The following ERC1 variants were observed in gnomAD, a reference collection of about 807,000 sequenced individuals.
ERC1 encodes the protein RAB6 interacting protein 2.
In ERC1, 56 loss-of-function variants were observed where a neutral mutation model predicts 132.0. The observed-to-expected ratio is 0.42, with a 90% CI of 0.34 to 0.53. The LOEUF (loss-of-function observed/expected upper bound fraction) is 0.53, where lower values mean the gene tolerates loss of function less well. Among genes scored for constraint, ERC1 ranks in the 20% least tolerant of loss-of-function variants. The probability of loss-of-function intolerance (pLI) is 0.03; values close to 1 mark genes in which losing one functional copy is unlikely to be tolerated. For missense variants in ERC1, 1,202 were observed against 1,349.9 expected, an observed-to-expected ratio of 0.89 and a Z score of 1.72; for synonymous variants, 478 against 476.1, an observed-to-expected ratio of 1.00 and a Z score of -0.05.
intron 18 of ERC1, among the ~76,000 whole-genome samples, chr12:1,449,680 A>C (rs551101973): frequency 1.0e-3 from 156 of 152,236 alleles, no homozygotes; most frequent in Admixed American, 1.8e-3. Context: ...CTGACACACT[A>C]TGTCTTTCTA....
intron 15 of ERC1, among the ~76,000 whole-genome samples, chr12:1,345,619 A>G (rs530606742): frequency 6.6e-6 from 1 of 152,310 alleles, no homozygotes; most frequent in African/African-American, 2.4e-5. Flanking sequence ...GCCATGCTCT[A>G]AAAGATGAAG....
chr12:1,353,100 T>G (rs971070495), intron 15 of ERC1, among the ~76,000 whole-genome samples: 6 of 150,912 alleles, frequency 4.0e-5, no homozygotes, highest in Admixed American at 6.6e-5. Flanking sequence ...GTGTGATCTC[T>G]GCTCACTGCA....
chr12:1,418,902 C>A (rs115364932), intron 17 of ERC1, among the ~76,000 whole-genome samples: 7 of 151,770 alleles, frequency 4.6e-5, no homozygotes, highest in Non-Finnish European at 8.8e-5. Flanking sequence ...TTGGTAGAAG[C>A]AGGGTCTCAC....
chr12:1,066,691 T>A (rs139808562), intron 2 of ERC1, among the ~76,000 whole-genome samples: 1 of 151,974 alleles, frequency 6.6e-6, no homozygotes, highest in East Asian at 1.9e-4. Context: ...AGAAAAATTA[T>A]CCGGGTGTGG....
chr12:1,004,695 A>G (rs939380277), intron 1 of ERC1, among the ~76,000 whole-genome samples: 15 of 151,826 alleles, frequency 9.9e-5, no homozygotes, highest in Admixed American at 2.0e-4. Flanking sequence ...GTGAGCCACC[A>G]TGCTCAGCTG....
chr12:1,134,949 A>G (rs1566051889), intron 7 of ERC1, among the ~76,000 whole-genome samples: 1 of 151,998 alleles, frequency 6.6e-6, no homozygotes, highest in Non-Finnish European at 1.5e-5. Flanking sequence ...GCTGGTCTTG[A>G]ACTCCCGACC....
chr12:1,024,720 T>C (rs1197429032), intron 1 of ERC1, among the ~76,000 whole-genome samples: 1 of 151,800 alleles, frequency 6.6e-6, no homozygotes, highest in Non-Finnish European at 1.5e-5. Flanking sequence ...CTATATTGTC[T>C]TTGAAAGAAG....
At position 1,356,213 on chromosome 12, in the gene ERC1, A is replaced by AGTGTGTGTGTGT. The variant is rs71055145; in HGVS notation, c.2781-15597_2781-15586dup. 1.8e-4 allele frequency among the ~76,000 whole-genome samples: 23 copies of AGTGTGTGTGTGT among 130,010 alleles called. 1 individual carries two copies. Among genetic ancestry groups the AGTGTGTGTGTGT allele is most frequent in the African/African-American group, 6.9e-4 (20 of 29,184 alleles). 85.3% of individuals were successfully genotyped at this position (130,010 alleles called of 152,430 possible). A position where few individuals can be genotyped will look rare whatever the true frequency, so the allele number is the denominator to read the frequency against. ...AGTGAGACTGTCAAAAAAAAAAAAA[A>AGTGTGTGTGTGT]GTGTGTGTGTGTGTGTGTGTGTGTG... On this transcript the variant is annotated intron_variant, in intron 15 of 18. Transcript: ENST00000360905.
rs141772662 is a variant in ERC1 at position 1,440,408 on chromosome 12, G to T, written c.3025-4154G>T. On this transcript the variant is annotated intron_variant, in intron 17 of 18. Coordinates refer to ENST00000360905, the MANE Select transcript of ERC1 (RefSeq NM_178040.4). ...TTTTTAGTAGAGACGGGGTTTCACCGTGTTAGCCAGGATGGTCTCGATCTC... is the reference window on the plus strand; with the variant it reads ...TTTTTAGTAGAGACGGGGTTTCACCTTGTTAGCCAGGATGGTCTCGATCTC... 1.3e-3 allele frequency among the ~76,000 whole-genome samples: 198 copies of T among 149,404 alleles called. 1 individual carries two copies. Among genetic ancestry groups the T allele is most frequent in the Non-Finnish European group, 2.3e-3 (157 of 67,454 alleles).
intron 14 of ERC1, among the ~76,000 whole-genome samples, chr12:1,280,039 T>C (rs1033694121): frequency 6.6e-6 from 1 of 152,160 alleles, no homozygotes; most frequent in African/African-American, 2.4e-5. Flanking sequence ...GCAGAGCAAC[T>C]TCTGTAGCAG....
chr12:1,340,788 C>G (rs992552893), intron 15 of ERC1, among the ~76,000 whole-genome samples: 1 of 152,038 alleles, frequency 6.6e-6, no homozygotes, highest in African/African-American at 2.4e-5. Context: ...AATATAGAGA[C>G]AGAGTCTCTC....
At chr12:1,038,755 T>TA (rs958189808) in intron 2 of ERC1, among the ~76,000 whole-genome samples, 4 of 152,172 alleles carry the variant, frequency 2.6e-5, no homozygotes, top group African/African-American at 9.6e-5. Flanking sequence ...AATGATGTAA[T>TA]AAAAAATACT....
chr12:1,459,495 A>G (rs2093605072), intron 18 of ERC1, among the ~76,000 whole-genome samples: 1 of 152,232 alleles, frequency 6.6e-6, no homozygotes, highest in African/African-American at 2.4e-5. Flanking sequence ...TGAATGAACA[A>G]GTAAATGGGG....
In ERC1 at chr12:1,190,529, G is replaced by T. The variant is rs547096795; in HGVS notation, c.2351+477G>T. Among the ~76,000 whole-genome samples the T allele has an allele frequency of 3.3e-5, 5 of 152,246 alleles. No individual in the cohort carries two copies. In the South Asian group the frequency reaches 1.0e-3, roughly 32 times the overall value. On this transcript the variant is annotated intron_variant, in intron 12 of 18. Coordinates refer to ENST00000360905, the MANE Select transcript of ERC1 (RefSeq NM_178040.4). ...AGCACGCTGTTACTTCAGTGCATTA[G>T]ATCAAAATTAGGAGGAGAGACACTT...
intron 14 of ERC1, among the ~76,000 whole-genome samples, chr12:1,265,037 G>T (rs1408502333): frequency 1.3e-5 from 2 of 152,138 alleles, no homozygotes; most frequent in African/African-American, 4.8e-5. Context: ...GTGCCTTTCA[G>T]TGCCCTGTTC....
rs1295576754 is a variant in ERC1 at position 1,181,984 on chromosome 12, G to A, written c.1935G>A (p.Glu645=). ...QRDRDEREKQ[E]EIDNYKKDLK... is the part of the protein sequence containing the mutation. Reference sequence around the variant, plus strand: ...ACAGAGATGAGCGAGAGAAGCAAGAGGAAATTGATAACTACAAAAAAGATC... The same window carrying A: ...ACAGAGATGAGCGAGAGAAGCAAGAAGAAATTGATAACTACAAAAAAGATC... Residue 645 remains glutamate, a synonymous_variant, in exon 10 of 19, where the codon GAG becomes GAA. Coordinates refer to ENST00000360905, the MANE Select transcript of ERC1 (RefSeq NM_178040.4). The A allele has an allele frequency of 1.9e-6, 3 of 1,613,952 alleles. No individual in the cohort carries two copies. Among genetic ancestry groups the A allele is most frequent in the East Asian group, 2.2e-5 (1 of 44,872 alleles).
At chr12:1,486,785 T>C (rs1321671638) in intron 18 of ERC1, among the ~76,000 whole-genome samples, 1 of 152,206 alleles carries the variant, frequency 6.6e-6, no homozygotes. Flanking sequence ...GAAAAAAATG[T>C]TCTTAAACTA....
intron 6 of ERC1, among the ~76,000 whole-genome samples, chr12:1,113,767 C>T (rs1220194949): frequency 6.6e-6 from 1 of 152,160 alleles, no homozygotes; most frequent in Non-Finnish European, 1.5e-5. Context: ...AGGCTAAGCA[C>T]ATTTCACGCT....
At chr12:1,171,701 T>C (rs1016370855) in intron 8 of ERC1, among the ~76,000 whole-genome samples, 2 of 152,168 alleles carry the variant, frequency 1.3e-5, no homozygotes, top group African/African-American at 4.8e-5. Flanking sequence ...TTAAATGATA[T>C]TTAAAGTGAG....
Sources: allele counts gnomAD v4.1 joint callset (sites outside exome capture counted in the v4.1 genomes callset), GRCh38; gene constraint gnomAD v4.1.1; transcripts MANE v1.5; gene names NCBI Gene and HGNC (gene_info 2026-07-23, HGNC 2026-07-21).